The following PDE4B variants were observed in gnomAD, a reference collection of about 807,000 sequenced individuals.
PDE4B encodes phosphodiesterase 4B.
A neutral mutation model predicts 82.2 loss-of-function variants in PDE4B; 20 were observed. The ratio of observed to expected loss-of-function variants is 0.24; its 90% CI spans 0.17 to 0.35. PDE4B has a LOEUF of 0.35. PDE4B is among the 10% of genes least tolerant of loss of function. The probability of loss-of-function intolerance (pLI) is 1.00; values close to 1 mark genes in which losing one functional copy is unlikely to be tolerated. For synonymous variants in PDE4B, 320 were observed against 318.9 expected (o/e 1.00, Z -0.04); for missense variants, 655 against 907.2 (o/e 0.72, Z 3.57).
At chr1:65,815,021 TTTTA>T (rs138553972) in intron 1 of PDE4B, among the ~76,000 whole-genome samples, 6,700 of 145,112 alleles carry the variant, frequency 0.046, 194 homozygotes, top group Middle Eastern at 0.078. Flanking sequence ...TCAACACACA[TTTTA>T]TTTATTTATT....
intron 7 of PDE4B, among the ~76,000 whole-genome samples, chr1:66,303,440 A>G (rs782686): frequency 0.62 from 94,459 of 151,358 alleles, 30,093 homozygotes; most frequent in African/African-American, 0.72. Context: ...CTTTTTGTTT[A>G]TGGTAAGAAC....
Position 66,016,119 on chromosome 1 carries a change from T to A in PDE4B, c.281+97284T>A, listed in dbSNP as rs117281209. Among the ~76,000 whole-genome samples, 3 of 152,304 alleles carry A rather than the reference T, an allele frequency of 2.0e-5. No individual in the cohort carries two copies. The East Asian group carries it at 5.8e-4, about 29-fold the overall frequency. On this transcript the variant is annotated intron_variant, in intron 3 of 16. Transcript: ENST00000341517. The stretch of plus-strand genomic sequence containing the variant: ...ACCTCTCTGTGTCTGAGTATCTCCA[T>A]CTCTAAAATGAGATATTTATTGCAG...
chr1:66,044,814 A>G (rs993879282), intron 3 of PDE4B, among the ~76,000 whole-genome samples: 2 of 151,744 alleles, frequency 1.3e-5, no homozygotes, highest in Admixed American at 6.6e-5. Context: ...TGATCATTTT[A>G]TGAGTAAAAT....
At position 66,099,777 on chromosome 1, in the gene PDE4B, A is replaced by T. The variant is rs1645185403; in HGVS notation, c.282-147683A>T. Among the ~76,000 whole-genome samples, 5 of 152,232 alleles carry T rather than the reference A, an allele frequency of 3.3e-5. No homozygotes were observed. The South Asian group carries it at 1.0e-3, about 32-fold the overall frequency. ...AATGTTGAGGTGGGCGCCAAAAAATAAACTGACAGAGATGTGGTCTTGTCA... is the reference window on the plus strand; with the variant it reads ...AATGTTGAGGTGGGCGCCAAAAAATTAACTGACAGAGATGTGGTCTTGTCA... On this transcript the variant is annotated intron_variant, in intron 3 of 16. Coordinates refer to ENST00000341517, the MANE Select transcript of PDE4B (RefSeq NM_002600.4).
intron 1 of PDE4B, among the ~76,000 whole-genome samples, chr1:65,829,740 A>T (rs930744375): frequency 2.0e-5 from 3 of 152,198 alleles, no homozygotes; most frequent in African/African-American, 2.4e-5. Flanking sequence ...AATTTAAAAC[A>T]AAACGAAACA....
intron 7 of PDE4B, among the ~76,000 whole-genome samples, chr1:66,314,499 G>T (rs957092343): frequency 1.3e-5 from 2 of 152,044 alleles, no homozygotes; most frequent in African/African-American, 4.8e-5. Context: ...TGCAACCTCT[G>T]TCTCCCAGGT....
chr1:66,119,617 C>CTG (rs1364165112), intron 3 of PDE4B, among the ~76,000 whole-genome samples: 2 of 152,176 alleles, frequency 1.3e-5, no homozygotes, highest in African/African-American at 4.8e-5. Context: ...GCACAAGCTT[C>CTG]TGCTGGGATT....
chr1:66,160,721 C>T (rs1344796079), intron 3 of PDE4B, among the ~76,000 whole-genome samples: 3 of 152,094 alleles, frequency 2.0e-5, no homozygotes, highest in Admixed American at 1.3e-4. Flanking sequence ...TGTAAAATGG[C>T]CAAGTTGAAA....
chr1:65,859,912 T>C (rs1327744930), intron 1 of PDE4B, among the ~76,000 whole-genome samples: 1 of 152,224 alleles, frequency 6.6e-6, no homozygotes, highest in Non-Finnish European at 1.5e-5. Flanking sequence ...CCCTCGTTTT[T>C]GCCCATGCAG....
chr1:65,976,851 G>A (rs1466447480), intron 3 of PDE4B, among the ~76,000 whole-genome samples: 1 of 152,178 alleles, frequency 6.6e-6, no homozygotes, highest in African/African-American at 2.4e-5. Context: ...AGAACTGTGA[G>A]TCAATTAAAT....
intron 1 of PDE4B, among the ~76,000 whole-genome samples, chr1:65,878,322 G>T (rs556990058): frequency 1.7e-4 from 26 of 152,290 alleles, no homozygotes; most frequent in Non-Finnish European, 3.1e-4. Flanking sequence ...AGACAGTGTG[G>T]CAATTCCTCA....
At chr1:66,057,372 G>T (rs2100883230) in intron 3 of PDE4B, among the ~76,000 whole-genome samples, 1 of 152,296 alleles carries the variant, frequency 6.6e-6, no homozygotes, top group East Asian at 1.9e-4. Flanking sequence ...TACTAAAAGA[G>T]TCCTTGGATA....
chr1:65,965,431 A>T (rs1215345455), intron 3 of PDE4B, among the ~76,000 whole-genome samples: 3 of 152,100 alleles, frequency 2.0e-5, no homozygotes, highest in African/African-American at 4.8e-5. Flanking sequence ...AATAAAAATT[A>T]AGTACATTTT....
chr1:65,858,818 G>C (rs1352295402), intron 1 of PDE4B, among the ~76,000 whole-genome samples: 1 of 152,064 alleles, frequency 6.6e-6, no homozygotes, highest in Non-Finnish European at 1.5e-5. Flanking sequence ...GAATGGCAAG[G>C]GACCATTCTG....
intron 2 of PDE4B, among the ~76,000 whole-genome samples, chr1:65,914,293 C>A (rs1361446392): frequency 1.3e-5 from 2 of 152,174 alleles, no homozygotes; most frequent in Admixed American, 6.5e-5. Context: ...TAATTCTCAG[C>A]TTCCTTCTGT....
chr1:65,796,383 A>G (rs888583954), intron 1 of PDE4B, among the ~76,000 whole-genome samples: 1 of 150,160 alleles, frequency 6.7e-6, no homozygotes, highest in Non-Finnish European at 1.5e-5. Context: ...TTGTTGTCCT[A>G]CAAGACCCCG....
At chr1:66,264,097 A>C (rs1569929) in intron 6 of PDE4B, among the ~76,000 whole-genome samples, 59,495 of 152,060 alleles carry the variant, frequency 0.39, 13,724 homozygotes, top group Non-Finnish European at 0.52. Flanking sequence ...CTAACTAGAC[A>C]GAGCCTATTT....
chr1:66,291,757 T>TC (rs1657101522), intron 7 of PDE4B, among the ~76,000 whole-genome samples: 1 of 152,070 alleles, frequency 6.6e-6, no homozygotes, highest in African/African-American at 2.4e-5. Flanking sequence ...TGTTTTTTTT[T>TC]CCCACCATGT....
At chr1:66,193,579 C>T (rs1328331211) in intron 3 of PDE4B, among the ~76,000 whole-genome samples, 1 of 152,132 alleles carries the variant, frequency 6.6e-6, no homozygotes, top group African/African-American at 2.4e-5. Flanking sequence ...CCCCTGGGTT[C>T]TCCGTGGTTT....
Sources: gnomAD v4.1 joint callset for allele counts (sites outside exome capture counted in the v4.1 genomes callset) on GRCh38, gnomAD v4.1.1 for gene constraint, MANE v1.5 for transcripts, NCBI Gene and HGNC (gene_info 2026-07-23, HGNC 2026-07-21) for gene names.